Variants in HECA observed in about 807,000 individuals in gnomAD.
The protein encoded by HECA is HECA ribonucleoprotein granule regulator.
Under a neutral mutation model 37.6 loss-of-function variants are expected in HECA, and 13 were observed. That is an observed-to-expected ratio of 0.35 (90% CI 0.23 to 0.55). The LOEUF is 0.55. Among genes scored for constraint, HECA ranks in the 20% least tolerant of loss-of-function variants. HECA has a pLI of 0.90. For synonymous variants in HECA, 307 were observed against 291.5 expected (o/e 1.05, Z -0.54); for missense variants, 527 against 701.9 (o/e 0.75, Z 2.82).
At chr6:139,163,761 C>T (rs1361074455) in intron 1 of HECA, among the ~76,000 whole-genome samples, 1 of 152,128 alleles carries the variant, frequency 6.6e-6, no homozygotes, top group Non-Finnish European at 1.5e-5. Context: ...TGGTTCCAGT[C>T]CTTGCATCCC....
chr6:139,173,702 G>A (rs945079525), intron 2 of HECA, among the ~76,000 whole-genome samples: 1 of 152,152 alleles, frequency 6.6e-6, no homozygotes, highest in Non-Finnish European at 1.5e-5. Context: ...TATACACTAG[G>A]ATGACATCTT....
At position 139,135,525 on chromosome 6, in the gene HECA, C is replaced by T; in HGVS notation, c.129C>T (p.Ala43=). The T allele has an allele frequency of 2.0e-6, 2 of 997,020 alleles. No individual in the cohort carries two copies. The highest frequency in any genetic ancestry group is 2.4e-6 in the Non-Finnish European group (2 of 838,640). 61.8% of individuals were successfully genotyped at this position (997,020 alleles called of 1,614,324 possible). Residue 43 remains alanine (A), a synonymous_variant, in exon 1 of 4, where the codon GCC becomes GCT. Coordinates refer to ENST00000367658, the MANE Select transcript of HECA (RefSeq NM_016217.3). ...CGGCGGGAGCGGCGGCCGGGGGGGC[C>T]CTGGCGGCGGCGGCCGGTTGCGGGG... ...AGAAGAAAGG[A]LAAAAGCGAA...
At chr6:139,143,279 G>A (rs1774537801) in intron 1 of HECA, among the ~76,000 whole-genome samples, 1 of 152,156 alleles carries the variant, frequency 6.6e-6, no homozygotes, top group African/African-American at 2.4e-5. Flanking sequence ...GCAGATATGA[G>A]CCCTGTCAAC....
Position 139,166,799 on chromosome 6 carries a change from C to CGTTCCCCCGGTG in HECA, c.789_800dup (p.Gly267_Gly270dup). 1.2e-6 allele frequency: 2 copies of CGTTCCCCCGGTG among 1,613,674 alleles called. No individual in the cohort carries two copies. The highest frequency in any genetic ancestry group is 4.5e-5 in the East Asian group (2 of 44,848). On this transcript the variant is annotated inframe_insertion, in exon 2 of 4. Transcript: ENST00000367658. Reference sequence around the variant, plus strand: ...AGTGGGTGCCGCAGCCTACGGTGCCCGTTCCCCCGGTGGCTCCCCGGGCCA... The same window carrying CGTTCCCCCGGTG: ...AGTGGGTGCCGCAGCCTACGGTGCCCGTTCCCCCGGTGGTTCCCCCGGTGGCTCCCCGGGCCA...
rs1775099562 is a variant in HECA at position 139,179,225 on chromosome 6, T to C, written c.*2120T>C. The C allele has an allele frequency of 3.9e-5, 6 of 152,368 alleles. No homozygotes were observed. In the South Asian group the frequency reaches 1.2e-3, roughly 32 times the overall value. The allele number at this position is 152,368 out of a possible 1,614,324, so 9.4% of individuals were successfully genotyped here. On this transcript the variant is annotated 3_prime_UTR_variant, in exon 4 of 4. Transcript: ENST00000367658. ...TGCAAAAAGTGCTAAGTTTCTCTTG[T>C]CCTCGTAATACCATTTGGATTTTAT...
Position 139,135,606 on chromosome 6 carries a change from G to T in HECA, c.210G>T (p.Gly70=). Residue 70 remains glycine, a synonymous_variant, in exon 1 of 4, where the codon GGG becomes GGT. Coordinates refer to ENST00000367658, the MANE Select transcript of HECA (RefSeq NM_016217.3). ...GCGCGGCGGGCGCCGGAGGCGCGGGGACTGGCGCCGCGAACGCTGCGGCCG... is the reference window on the plus strand; with the variant it reads ...GCGCGGCGGGCGCCGGAGGCGCGGGTACTGGCGCCGCGAACGCTGCGGCCG... ...AGGAAGAGGA[G]TGAANAAAAA... is the part of the protein sequence containing the mutation. 1.0e-6 allele frequency: 1 copy of T among 964,710 alleles called. No individual in the cohort carries two copies. Among genetic ancestry groups the T allele is most frequent in the Non-Finnish European group, 1.2e-6 (1 of 815,164 alleles). The allele number at this position is 964,710 out of a possible 1,614,324, so 59.8% of individuals were successfully genotyped here.
chr6:139,177,782 G>C lies in HECA; in HGVS notation c.*677G>C, dbSNP rs1390053798. ...TGACCTATAACAGAATATGTGAAATGAATTTGGAAATAATGCAAGAAGGCA... is the reference window on the plus strand; with the variant it reads ...TGACCTATAACAGAATATGTGAAATCAATTTGGAAATAATGCAAGAAGGCA... On this transcript the variant is annotated 3_prime_UTR_variant, in exon 4 of 4. Transcript: ENST00000367658. The surrounding 1 kb of genome is among the most constrained non-coding windows in gnomAD (Gnocchi z 4.9). 1 of 152,234 alleles carries C rather than the reference G, an allele frequency of 6.6e-6. No homozygotes were observed. Among genetic ancestry groups the C allele is most frequent in the African/African-American group, 2.4e-5 (1 of 41,456 alleles). The allele number at this position is 152,234 out of a possible 1,614,324, so 9.4% of individuals were successfully genotyped here.
rs1184761096 is a variant in HECA, at chr6:139,167,132, G to C, written c.1120G>C (p.Val374Leu). The change falls in exon 2 of 4, where the codon GTG becomes CTG. Residue 374 changes from valine (V) to leucine (L), a missense_variant. Physicochemically the swap from Val to Leu is conservative, Grantham distance 32. Coordinates refer to ENST00000367658, the MANE Select transcript of HECA (RefSeq NM_016217.3). Reference protein sequence around the residue: ...FHVRMEDDAQVGQGEDLRKFI... With the variant: ...FHVRMEDDAQLGQGEDLRKFI... ...CGTGCGCATGGAAGACGATGCCCAA[G>C]TGGGCCAGGGGGAAGACTTGCGGAA... is the stretch of plus-strand genomic sequence containing the variant. 1 of 1,614,078 alleles carries C rather than the reference G, an allele frequency of 6.2e-7. No homozygotes were observed. The highest frequency in any genetic ancestry group is 1.7e-5 in the Admixed American group (1 of 60,012).
At chr6:139,138,195 A>G (rs1774474016) in intron 1 of HECA, among the ~76,000 whole-genome samples, 1 of 150,366 alleles carries the variant, frequency 6.7e-6, no homozygotes, top group Non-Finnish European at 1.5e-5. Flanking sequence ...GGTTTGGGAG[A>G]GGCGTTACTG....
Position 139,166,677 on chromosome 6 carries a change from CAA to C in HECA, c.670_671del (p.Lys224ValfsTer6). 1 of 1,612,232 alleles carries C rather than the reference CAA, an allele frequency of 6.2e-7. No homozygotes were observed. The highest frequency in any genetic ancestry group is 8.5e-7 in the Non-Finnish European group (1 of 1,179,360). On this transcript the variant is annotated frameshift_variant, in exon 2 of 4. Coordinates refer to ENST00000367658, the MANE Select transcript of HECA (RefSeq NM_016217.3). LOFTEE classifies it high-confidence loss of function. ...CCTCCTGGTGAGGCGGCGGAGGAGG[CAA>C]AAAAGTGCAGGCCCCCAAATAAGCC...
chr6:139,149,775 C>G (rs1219847608), intron 1 of HECA, among the ~76,000 whole-genome samples: 2 of 152,308 alleles, frequency 1.3e-5, no homozygotes, highest in African/African-American at 2.4e-5. Context: ...CTGCAAACAG[C>G]CTTTCTGACC....
intron 1 of HECA, among the ~76,000 whole-genome samples, chr6:139,148,043 G>T (rs973390602): frequency 6.6e-6 from 1 of 151,964 alleles, no homozygotes; most frequent in Non-Finnish European, 1.5e-5. Context: ...TGCATTTTTT[G>T]GATCATCAGT....
At chr6:139,170,572 C>A (rs1223099769) in intron 2 of HECA, 1 of 151,984 alleles carries the variant, frequency 6.6e-6, no homozygotes, top group East Asian at 1.9e-4. Context: ...TGCCTGCAAG[C>A]AAAGGAAGGG....
intron 1 of HECA, among the ~76,000 whole-genome samples, chr6:139,157,919 G>A (rs901175008): frequency 6.6e-6 from 1 of 152,168 alleles, no homozygotes; most frequent in African/African-American, 2.4e-5. Context: ...TGGTGGGCTC[G>A]GCCAGCCTTG....
intron 1 of HECA, among the ~76,000 whole-genome samples, chr6:139,152,544 T>C (rs1364286669): frequency 6.6e-6 from 1 of 152,034 alleles, no homozygotes; most frequent in Non-Finnish European, 1.5e-5. Flanking sequence ...CTGAATGTAA[T>C]TGCCTTGTGC....
intron 1 of HECA, among the ~76,000 whole-genome samples, chr6:139,158,693 A>C (rs1338335006): frequency 6.6e-6 from 1 of 151,840 alleles, no homozygotes; most frequent in Non-Finnish European, 1.5e-5. Context: ...AAAAAGAAAA[A>C]TTGGTGTTTA....
intron 1 of HECA, among the ~76,000 whole-genome samples, chr6:139,154,345 ATG>A (rs35314403): frequency 0.55 from 83,285 of 151,782 alleles, 23,755 homozygotes; most frequent in Non-Finnish European, 0.59. Flanking sequence ...TACCTGGAGA[ATG>A]TGTGCTGCAC....
In HECA at chr6:139,167,122, C is replaced by G; in HGVS notation, c.1110C>G (p.Asp370Glu). The stretch of plus-strand genomic sequence containing the variant: ...ACACTTTCCACGTGCGCATGGAAGA[C>G]GATGCCCAAGTGGGCCAGGGGGAAG... ...KLNTFHVRMEDDAQVGQGEDL... is the reference protein window; with the variant it reads ...KLNTFHVRMEEDAQVGQGEDL... Residue 370 changes from aspartate to glutamate, a missense_variant, in exon 2 of 4, where the codon GAC (aspartate) becomes GAG (glutamate). By Grantham distance (45) the Asp-to-Glu change is conservative. Around this residue, in one of 4 missense-constraint regions of HECA, gnomAD observed 228 missense variants for 259.8 expected, o/e 0.88. Transcript: ENST00000367658. 1.2e-6 allele frequency: 2 copies of G among 1,614,200 alleles called. No individual in the cohort carries two copies. Among genetic ancestry groups the G allele is most frequent in the Non-Finnish European group, 1.7e-6 (2 of 1,180,046 alleles).
intron 1 of HECA, among the ~76,000 whole-genome samples, chr6:139,161,671 T>G (rs1370730195): frequency 1.3e-5 from 2 of 152,256 alleles, no homozygotes; most frequent in African/African-American, 4.8e-5. Flanking sequence ...CAAAGAAATA[T>G]CAAGTCAGTC....
Sources: allele counts gnomAD v4.1 joint callset (sites outside exome capture counted in the v4.1 genomes callset), GRCh38; gene constraint gnomAD v4.1.1; regional missense constraint gnomAD v4.1.1; non-coding constraint Gnocchi (gnomAD v3.1); transcripts MANE v1.5; gene names NCBI Gene and HGNC (gene_info 2026-07-23, HGNC 2026-07-21).